SLC39A11: variants seen among roughly 807,000 people sequenced by gnomAD.
The protein encoded by SLC39A11 is solute carrier family 39 member 11.
In SLC39A11, 33 loss-of-function variants were observed where a neutral mutation model predicts 36.1. The ratio of observed to expected loss-of-function variants is 0.91; its 90% CI spans 0.69 to 1.22. The LOEUF (loss-of-function observed/expected upper bound fraction) is 1.22, where lower values mean the gene tolerates loss of function less well. SLC39A11 is among the 50% of genes most tolerant of loss of function. SLC39A11 has a pLI of 0.00. For synonymous variants in SLC39A11, 166 were observed against 170.3 expected, an observed-to-expected ratio of 0.97 and a Z score of 0.20; for missense variants, 432 against 430.3, an observed-to-expected ratio of 1.00 and a Z score of -0.03.
chr17:72,687,388 C>T (rs1159140470), intron 7 of SLC39A11, among the ~76,000 whole-genome samples: 3 of 152,142 alleles, frequency 2.0e-5, no homozygotes, highest in East Asian at 1.9e-4. Context: ...GGACTACAGG[C>T]GCGTGCCAAC....
intron 5 of SLC39A11, among the ~76,000 whole-genome samples, chr17:72,890,484 T>C (rs1014542074): frequency 3.3e-5 from 5 of 152,166 alleles, no homozygotes; most frequent in Admixed American, 6.6e-5. Flanking sequence ...GAAATGATGC[T>C]GAGGTTCCTG....
chr17:73,021,105 C>CTGT (rs1568136614), intron 4 of SLC39A11, among the ~76,000 whole-genome samples: 1 of 152,188 alleles, frequency 6.6e-6, no homozygotes, highest in Non-Finnish European at 1.5e-5. Flanking sequence ...CCAGCCAGAA[C>CTGT]TGTTTATCTA....
chr17:72,838,298 G>A (rs564374604), intron 6 of SLC39A11, among the ~76,000 whole-genome samples: 109 of 149,948 alleles, frequency 7.3e-4, no homozygotes, highest in African/African-American at 2.6e-3. Flanking sequence ...GCACAACCAC[G>A]GCTCACTGCA....
rs58225858 is a variant in SLC39A11 at position 73,064,085 on chromosome 17, C to CAA, written c.147+20721_147+20722dup. Among the ~76,000 whole-genome samples, 100 of 146,014 alleles carry CAA rather than the reference C, an allele frequency of 6.8e-4. 1 individual carries two copies. In the South Asian group the frequency reaches 0.014, roughly 21 times the overall value. ...AGAGGTTTCCAAAGAAATGCTACAGCAAAAAAAAAAGGAAATAAAAAAAAG... is the reference window on the plus strand; with the variant it reads ...AGAGGTTTCCAAAGAAATGCTACAGCAAAAAAAAAAAAGGAAATAAAAAAAAG... On this transcript the variant is annotated intron_variant, in intron 3 of 9. Transcript: ENST00000255559.
chr17:72,909,965 G>C (rs1288304081), intron 5 of SLC39A11, among the ~76,000 whole-genome samples: 3 of 151,774 alleles, frequency 2.0e-5, no homozygotes, highest in Admixed American at 1.3e-4. Flanking sequence ...TGTTAGCCAG[G>C]ATGGTCTCGA....
intron 7 of SLC39A11, among the ~76,000 whole-genome samples, chr17:72,680,575 A>G (rs1041824965): frequency 6.6e-6 from 1 of 152,188 alleles, no homozygotes; most frequent in East Asian, 1.9e-4. Context: ...GCCTTCCGCC[A>G]TGATTGTGAG....
chr17:72,792,423 C>G (rs1327138774), intron 6 of SLC39A11, among the ~76,000 whole-genome samples: 1 of 152,116 alleles, frequency 6.6e-6, no homozygotes, highest in Non-Finnish European at 1.5e-5. Flanking sequence ...AGGTGGGGAG[C>G]CTTTCCTACT....
intron 5 of SLC39A11, among the ~76,000 whole-genome samples, chr17:72,917,413 C>T (rs537370579): frequency 6.6e-6 from 1 of 151,992 alleles, no homozygotes; most frequent in Admixed American, 6.6e-5. Flanking sequence ...GAGGAAACTG[C>T]GAGTTGGGGA....
chr17:73,092,054 G>A (rs540447731), intron 1 of SLC39A11: 9 of 152,270 alleles, frequency 5.9e-5, no homozygotes, highest in African/African-American at 1.7e-4. Flanking sequence ...TCTGGGCGGA[G>A]AGGACTGTGG....
chr17:72,692,611 T>A (rs34812355), intron 7 of SLC39A11, among the ~76,000 whole-genome samples: 4 of 152,220 alleles, frequency 2.6e-5, no homozygotes, highest in Non-Finnish European at 5.9e-5. Flanking sequence ...GACCAGCTGC[T>A]ATCATTCAAT....
At chr17:72,980,760 C>A (rs1048354463) in intron 4 of SLC39A11, among the ~76,000 whole-genome samples, 1 of 152,158 alleles carries the variant, frequency 6.6e-6, no homozygotes, top group African/African-American at 2.4e-5. Context: ...CACGGTGGCT[C>A]ATGCCTGTAA....
At position 72,942,682 on chromosome 17, in the gene SLC39A11, T is replaced by C. The variant is rs1598509355; in HGVS notation, c.430+5070A>G. On this transcript the variant is annotated intron_variant, in intron 5 of 9. Coordinates refer to ENST00000255559, the MANE Select transcript of SLC39A11 (RefSeq NM_139177.4). ...CATGAAGCTGTTTAAATAAGTCATC[T>C]TTGCTTCCGTAGGCTTAGGCTATTC... Among the ~76,000 whole-genome samples the C allele has an allele frequency of 2.0e-5, 3 of 152,306 alleles. No homozygotes were observed. The South Asian group carries it at 6.2e-4, about 32-fold the overall frequency.
In SLC39A11 at chr17:72,693,787, C is replaced by T. The variant is rs542285727; in HGVS notation, c.671+42863G>A. Among the ~76,000 whole-genome samples the T allele has an allele frequency of 2.0e-4, 30 of 152,298 alleles. 1 individual carries two copies. The South Asian group carries it at 6.0e-3, about 30-fold the overall frequency. Reference sequence around the variant, plus strand: ...AAGCGATTCTCCTGCCTCAGCCTCCCAAGCAGCTGGAATTACAGGCGCCCA... The same window carrying T: ...AAGCGATTCTCCTGCCTCAGCCTCCTAAGCAGCTGGAATTACAGGCGCCCA... On this transcript the variant is annotated intron_variant, in intron 7 of 9. Coordinates refer to ENST00000255559, the MANE Select transcript of SLC39A11 (RefSeq NM_139177.4).
intron 6 of SLC39A11, among the ~76,000 whole-genome samples, chr17:72,845,719 G>A (rs1252161746): frequency 6.6e-6 from 1 of 152,094 alleles, no homozygotes; most frequent in Non-Finnish European, 1.5e-5. Context: ...CCAAGTACAT[G>A]GAATACAATA....
At chr17:73,075,469 G>A (rs2060289026) in intron 3 of SLC39A11, among the ~76,000 whole-genome samples, 1 of 152,142 alleles carries the variant, frequency 6.6e-6, no homozygotes, top group African/African-American at 2.4e-5. Flanking sequence ...CTTGTTTCTT[G>A]TCTGTAAACA....
intron 3 of SLC39A11, among the ~76,000 whole-genome samples, chr17:73,054,029 G>T (rs1165179010): frequency 6.6e-6 from 1 of 152,086 alleles, no homozygotes; most frequent in East Asian, 1.9e-4. Flanking sequence ...GGGGGGTCTG[G>T]AAAAATCAAG....
At chr17:73,086,717 G>A (rs1295946439) in intron 2 of SLC39A11, among the ~76,000 whole-genome samples, 3 of 152,242 alleles carry the variant, frequency 2.0e-5, no homozygotes, top group Non-Finnish European at 4.4e-5. Context: ...CTACTTGGGA[G>A]GCTGAGGTGG....
intron 5 of SLC39A11, among the ~76,000 whole-genome samples, chr17:72,894,174 C>T (rs1195510337): frequency 2.0e-5 from 3 of 151,362 alleles, no homozygotes; most frequent in Non-Finnish European, 2.9e-5. Context: ...CCAGCCTGAC[C>T]AACATGGTGA....
At chr17:72,741,330 T>C (rs2074690808) in intron 6 of SLC39A11, among the ~76,000 whole-genome samples, 1 of 152,236 alleles carries the variant, frequency 6.6e-6, no homozygotes, top group Non-Finnish European at 1.5e-5. Context: ...GTGCTGAGAA[T>C]ACAGGCTAAC....
Sources: allele counts gnomAD v4.1 joint callset (sites outside exome capture counted in the v4.1 genomes callset), GRCh38; gene constraint gnomAD v4.1.1; transcripts MANE v1.5; gene names NCBI Gene and HGNC (gene_info 2026-07-23, HGNC 2026-07-21).